Variants in IPMK observed in about 807,000 individuals in gnomAD.
The protein encoded by IPMK is inositol polyphosphate multikinase.
IPMK carries 17 observed loss-of-function variants against 45.8 expected under a neutral mutation model. The ratio of observed to expected loss-of-function variants is 0.37; its 90% confidence interval spans 0.25 to 0.56. The LOEUF (loss-of-function observed/expected upper bound fraction) is 0.56, where lower values mean the gene tolerates loss of function less well. IPMK is among the 20% of genes least tolerant of loss of function. IPMK has a pLI of 0.79. For missense variants in IPMK, 399 were observed against 498.0 expected, an observed-to-expected ratio of 0.80 and a Z score of 1.89; for synonymous variants, 180 against 184.3, an observed-to-expected ratio of 0.98 and a Z score of 0.19.
At chr10:58,254,627 G>A (rs1423264404) in intron 1 of IPMK, among the ~76,000 whole-genome samples, 1 of 152,208 alleles carries the variant, frequency 6.6e-6, no homozygotes. Flanking sequence ...GCATCTTTAT[G>A]TTGATGCCTG....
At chr10:58,199,773 G>A (rs540053368) in intron 4 of IPMK, among the ~76,000 whole-genome samples, 74 of 152,168 alleles carry the variant, frequency 4.9e-4, no homozygotes, top group African/African-American at 1.8e-3. Flanking sequence ...TGGAGATAAA[G>A]TTAATACTCT....
intron 1 of IPMK, among the ~76,000 whole-genome samples, chr10:58,258,341 A>C (rs545538497): frequency 2.0e-5 from 3 of 152,282 alleles, no homozygotes; most frequent in Non-Finnish European, 4.4e-5. Context: ...AATATTAGTA[A>C]TGATATATAA....
chr10:58,196,131 T>C lies in IPMK; in HGVS notation c.1196A>G (p.Tyr399Cys). The C allele has an allele frequency of 6.2e-7, 1 of 1,613,908 alleles. No individual in the cohort carries two copies. Among genetic ancestry groups the C allele is most frequent in the Non-Finnish European group, 8.5e-7 (1 of 1,179,806 alleles). Residue 399 changes from tyrosine to cysteine, a missense_variant, in exon 6 of 6, where the codon TAT becomes TGT. By Grantham distance (194) the Tyr-to-Cys change is radical (BLOSUM62 -2). Around this residue, in one of 2 missense-constraint regions of IPMK, gnomAD observed 288 missense variants for 398.0 expected, o/e 0.72. Transcript: ENST00000373935. ...VFPSNTIDEG[Y>C]VYGLKHLISV... ...AATTAAATGCTTTAGCCCATAAACA[T>C]ATCCCTCATCTATTGTGTTGCTAGG...
chr10:58,209,035 A>C (rs1838117274), intron 4 of IPMK, among the ~76,000 whole-genome samples: 1 of 152,244 alleles, frequency 6.6e-6, no homozygotes, highest in Non-Finnish European at 1.5e-5. Context: ...TGTTTCAGCT[A>C]TTCTGATCAG....
chr10:58,220,705 T>G (rs1053305203), intron 3 of IPMK, among the ~76,000 whole-genome samples: 3 of 152,220 alleles, frequency 2.0e-5, no homozygotes, highest in Admixed American at 2.0e-4. Flanking sequence ...ACATTCCATA[T>G]ATAATTACTG....
Position 58,196,363 on chromosome 10 carries a change from T to G in IPMK, c.964A>C (p.Arg322=), listed in dbSNP as rs762715336. The G allele has an allele frequency of 6.2e-7, 1 of 1,614,168 alleles. No homozygotes were observed. Among genetic ancestry groups the G allele is most frequent in the South Asian group, 1.1e-5 (1 of 91,088 alleles). Residue 322 remains arginine, a synonymous_variant, in exon 6 of 6, where the codon AGG becomes CGG. Transcript: ENST00000373935. ...KSLSKMYARH[R]KIYTKKHHSQ... ...TGATGCTTTTTTGTATATATTTTCCTGTGACGCGCATACATCTTGGACAAG... is the reference window on the plus strand; with the variant it reads ...TGATGCTTTTTTGTATATATTTTCCGGTGACGCGCATACATCTTGGACAAG...
rs532672130 is a variant in IPMK at position 58,233,454 on chromosome 10, C to T, written c.276+4275G>A. Among the ~76,000 whole-genome samples, 5 of 152,266 alleles carry T rather than the reference C, an allele frequency of 3.3e-5. No individual in the cohort carries two copies. In the Middle Eastern group the frequency reaches 0.014, roughly 414 times the overall value. On this transcript the variant is annotated intron_variant, in intron 2 of 5. Transcript: ENST00000373935. ...TACTGGCAAACCAAATCCAGCAGCA[C>T]ATCAAAAAGCTTATCCACCATGATC...
At chr10:58,212,894 G>C (rs567055126) in intron 4 of IPMK, 1 of 234,728 alleles carries the variant, frequency 4.3e-6, no homozygotes, top group East Asian at 1.1e-4. Context: ...CCGCCAATGA[G>C]CAAGTCATCA....
chr10:58,245,045 T>TAAA (rs148706659), intron 1 of IPMK, among the ~76,000 whole-genome samples: 1 of 121,610 alleles, frequency 8.2e-6, no homozygotes, highest in African/African-American at 3.0e-5. Context: ...CAATAAATAC[T>TAAA]AAAAAAAAAA....
chr10:58,266,125 G>T (rs1388788281), intron 1 of IPMK, among the ~76,000 whole-genome samples: 1 of 151,950 alleles, frequency 6.6e-6, no homozygotes, highest in Non-Finnish European at 1.5e-5. Context: ...TCTTTACCTC[G>T]GTATACTAAA....
In IPMK at chr10:58,266,907, G is replaced by A. The variant is rs370762585; in HGVS notation, c.190+515C>T. Among the ~76,000 whole-genome samples, 3 of 152,058 alleles carry A rather than the reference G, an allele frequency of 2.0e-5. No individual in the cohort carries two copies. In the South Asian group the frequency reaches 6.2e-4, roughly 32 times the overall value. ...TCCTCAAGGGACAGGGAAAAATCAC[G>A]GACAAGCTTTCTTCCCTTCTCACCT... On this transcript the variant is annotated intron_variant, in intron 1 of 5. Coordinates refer to ENST00000373935, the MANE Select transcript of IPMK (RefSeq NM_152230.5).
intron 2 of IPMK, among the ~76,000 whole-genome samples, chr10:58,230,309 G>A (rs962978998): frequency 2.0e-5 from 3 of 152,154 alleles, no homozygotes; most frequent in East Asian, 1.9e-4. Flanking sequence ...TGGTTCTCCC[G>A]GCATGGTGTT....
chr10:58,195,198 GT>G lies in IPMK; in HGVS notation c.*877del, dbSNP rs1837873735. 3.3e-5 allele frequency: 5 copies of G among 151,966 alleles called. No individual in the cohort carries two copies. Among genetic ancestry groups the G allele is most frequent in the Admixed American group, 3.3e-4 (5 of 15,262 alleles). The allele number at this position is 151,966 out of a possible 1,614,324, so 9.4% of individuals were successfully genotyped here. A position where few individuals can be genotyped will look rare whatever the true frequency, so the allele number is the denominator to read the frequency against. On this transcript the variant is annotated 3_prime_UTR_variant, in exon 6 of 6. Transcript: ENST00000373935. ...TAAATTTTTAAAGAAAAAAATTCAA[GT>G]TATTTAGAGGAGAAATAAAACTTCA...
At chr10:58,265,768 T>G (rs1456662011) in intron 1 of IPMK, among the ~76,000 whole-genome samples, 1 of 152,156 alleles carries the variant, frequency 6.6e-6, no homozygotes, top group Admixed American at 6.5e-5. Context: ...GGTGACAAAT[T>G]AACTTTTCAG....
chr10:58,252,388 TG>T (rs1320330018), intron 1 of IPMK, among the ~76,000 whole-genome samples: 1 of 151,944 alleles, frequency 6.6e-6, no homozygotes, highest in African/African-American at 2.4e-5. Flanking sequence ...AAGATATAAG[TG>T]GTTTTACTTA....
At chr10:58,258,021 A>T (rs1387890229) in intron 1 of IPMK, among the ~76,000 whole-genome samples, 1 of 152,172 alleles carries the variant, frequency 6.6e-6, no homozygotes, top group East Asian at 1.9e-4. Context: ...GATAAAACAA[A>T]TAGAATAGGC....
At position 58,242,334 on chromosome 10, in the gene IPMK, C is replaced by T. The variant is rs145340306; in HGVS notation, c.191-4520G>A. On this transcript the variant is annotated intron_variant, in intron 1 of 5. Coordinates refer to ENST00000373935, the MANE Select transcript of IPMK (RefSeq NM_152230.5). ...AATTAGCCAGGCGTTGTGGCGGACG[C>T]CTGTAGTCTCAGCTACTCGGGAGGC... is the stretch of plus-strand genomic sequence containing the variant. Among the ~76,000 whole-genome samples, 632 of 152,076 alleles carry T rather than the reference C, an allele frequency of 4.2e-3. 7 individuals are homozygous for T. Among genetic ancestry groups the T allele is most frequent in the African/African-American group, 0.015 (614 of 41,496 alleles).
chr10:58,258,611 C>A (rs1839009774), intron 1 of IPMK, among the ~76,000 whole-genome samples: 1 of 151,928 alleles, frequency 6.6e-6, no homozygotes, highest in South Asian at 2.1e-4. Context: ...ACAACACCCT[C>A]CTAATTATTA....
chr10:58,254,787 C>T (rs1314818840), intron 1 of IPMK, among the ~76,000 whole-genome samples: 6 of 152,224 alleles, frequency 3.9e-5, no homozygotes, highest in Non-Finnish European at 8.8e-5. Flanking sequence ...AACTAAAACC[C>T]TGCACTAGAA....
Sources: gnomAD v4.1 joint callset for allele counts (sites outside exome capture counted in the v4.1 genomes callset) on GRCh38, gnomAD v4.1.1 for gene constraint, gnomAD v4.1.1 regional missense constraint, MANE v1.5 for transcripts, NCBI Gene and HGNC (gene_info 2026-07-23, HGNC 2026-07-21) for gene names.